Variants in TNFRSF8 observed in about 807,000 individuals in gnomAD.
TNFRSF8 encodes tumor necrosis factor receptor superfamily member 8.
TNFRSF8 carries 26 observed loss-of-function variants against 70.8 expected under a neutral mutation model. That is an observed-to-expected ratio of 0.37 (90% confidence interval 0.27 to 0.51). TNFRSF8 has a LOEUF of 0.51. TNFRSF8 is among the 20% of genes least tolerant of loss of function. TNFRSF8 has a pLI of 0.94. For synonymous variants in TNFRSF8, 356 were observed against 339.2 expected (o/e 1.05, Z -0.54); for missense variants, 720 against 807.9 (o/e 0.89, Z 1.32).
At chr1:12,098,265 T>A (rs1641364664) in intron 3 of TNFRSF8, among the ~76,000 whole-genome samples, 1 of 152,248 alleles carries the variant, frequency 6.6e-6, no homozygotes, top group Admixed American at 6.5e-5. Context: ...ATTTCTTCTT[T>A]CTTTTTATTA....
intron 2 of TNFRSF8, among the ~76,000 whole-genome samples, chr1:12,095,547 C>G (rs1641318498): frequency 6.6e-6 from 1 of 152,134 alleles, no homozygotes. Flanking sequence ...CTCGGCCTCC[C>G]AAAGTGTTGG....
rs935497872 is a variant in TNFRSF8, at chr1:12,086,144, T to C, written c.151+1593T>C. Among the ~76,000 whole-genome samples, 3 of 152,260 alleles carry C rather than the reference T, an allele frequency of 2.0e-5. 1 individual carries two copies. Among genetic ancestry groups the C allele is most frequent in the Middle Eastern group, 3.4e-3 (1 of 294 alleles). Reference sequence around the variant, plus strand: ...GCCATCAGGGCTATTCCACTGGAGCTGCGCGGGAACCCAGGTCAGTCAGTT... The same window carrying C: ...GCCATCAGGGCTATTCCACTGGAGCCGCGCGGGAACCCAGGTCAGTCAGTT... On this transcript the variant is annotated intron_variant, in intron 2 of 14. Coordinates refer to ENST00000263932, the MANE Select transcript of TNFRSF8 (RefSeq NM_001243.5).
At chr1:12,136,980 G>A (rs1642158364) in intron 13 of TNFRSF8, among the ~76,000 whole-genome samples, 1 of 150,748 alleles carries the variant, frequency 6.6e-6, no homozygotes, top group Non-Finnish European at 1.5e-5. Context: ...GTGGAGGGAA[G>A]GTCAGCAGAT....
rs1219498780 is a variant in TNFRSF8, at chr1:12,113,159, G to A, written c.793+1145G>A. On this transcript the variant is annotated intron_variant, in intron 7 of 14. Transcript: ENST00000263932. This position sits in a 1 kb window ranked among gnomAD's most constrained non-coding sequence, Gnocchi z 4.9. ...CAATGTCTGAGGTCTTAGCTGGAAA[G>A]CCCAAAAGCTGCAGATCAGGAACTT... 6.6e-6 allele frequency among the ~76,000 whole-genome samples: 1 copy of A among 152,212 alleles called. No homozygotes were observed. The highest frequency in any genetic ancestry group is 1.5e-5 in the Non-Finnish European group (1 of 68,044).
Position 12,142,209 on chromosome 1 carries a change from C to CG in TNFRSF8, c.1544-76dup. 6.8e-7 allele frequency: 1 copy of CG among 1,478,880 alleles called. No individual in the cohort carries two copies. Among genetic ancestry groups the CG allele is most frequent in the Non-Finnish European group, 9.0e-7 (1 of 1,109,000 alleles). 91.6% of individuals were successfully genotyped at this position (1,478,880 alleles called of 1,614,324 possible). A position where few individuals can be genotyped will look rare whatever the true frequency, so the allele number is the denominator to read the frequency against. On this transcript the variant is annotated intron_variant, in intron 14 of 14. Coordinates refer to ENST00000263932, the MANE Select transcript of TNFRSF8 (RefSeq NM_001243.5). This position sits in a 1 kb window ranked among gnomAD's most constrained non-coding sequence, Gnocchi z 5.0. ...CGGCAGGTGTACCAGCACTGGGCCT[C>CG]GGCCCTTCTCTGCCTCTTTGCTCCC...
chr1:12,126,305 G>A (rs533783560), intron 12 of TNFRSF8, 69 bp downstream of exon 12: 36 of 1,575,104 alleles, frequency 2.3e-5, no homozygotes, highest in Non-Finnish European at 3.0e-5. Flanking sequence ...GGCCCGGGGC[G>A]TGGGCTCCAG....
intron 3 of TNFRSF8, among the ~76,000 whole-genome samples, chr1:12,098,416 C>G (rs1641366720): frequency 2.0e-5 from 3 of 152,086 alleles, no homozygotes; most frequent in African/African-American, 7.2e-5. Flanking sequence ...CCCAGCCCTC[C>G]ATCTATAGAT....
At chr1:12,074,217 A>G (rs74366762) in intron 1 of TNFRSF8, among the ~76,000 whole-genome samples, 2,009 of 150,944 alleles carry the variant, frequency 0.013, 42 homozygotes, top group African/African-American at 0.046. Context: ...CACATTAATG[A>G]CCCTGAAACC....
intron 1 of TNFRSF8, among the ~76,000 whole-genome samples, chr1:12,081,455 C>T (rs755209955): frequency 2.6e-5 from 4 of 152,010 alleles, no homozygotes; most frequent in Non-Finnish European, 5.9e-5. Context: ...AGGTTCCTGC[C>T]CCCCTGGAGA....
intron 3 of TNFRSF8, among the ~76,000 whole-genome samples, chr1:12,102,061 C>T (rs1279207724): frequency 6.6e-6 from 1 of 152,208 alleles, no homozygotes. Flanking sequence ...GGTATCATTT[C>T]TAATGTTTTG....
At position 12,142,154 on chromosome 1, in the gene TNFRSF8, G is replaced by C. The variant is rs1178881162; in HGVS notation, c.1544-133G>C. On this transcript the variant is annotated intron_variant, in intron 14 of 14. Transcript: ENST00000263932. This position sits in a 1 kb window ranked among gnomAD's most constrained non-coding sequence, Gnocchi z 5.0. Reference sequence around the variant, plus strand: ...CCCAGGATGCCTGTAAGGTACATCAGAGAGGCTGTGCCATCAGCCTGAAGC... The same window carrying C: ...CCCAGGATGCCTGTAAGGTACATCACAGAGGCTGTGCCATCAGCCTGAAGC... The C allele has an allele frequency of 2.4e-6, 3 of 1,250,398 alleles. No homozygotes were observed. The African/African-American group carries it at 4.6e-5, about 19-fold the overall frequency. The allele number at this position is 1,250,398 out of a possible 1,614,324, so 77.5% of individuals were successfully genotyped here.
chr1:12,124,507 G>T (rs1641894520), intron 10 of TNFRSF8, among the ~76,000 whole-genome samples: 2 of 152,298 alleles, frequency 1.3e-5, no homozygotes, highest in South Asian at 4.1e-4. Flanking sequence ...AAGCAGTGTA[G>T]CATTGTAGAC....
At chr1:12,072,777 C>G (rs1640870032) in intron 1 of TNFRSF8, among the ~76,000 whole-genome samples, 1 of 152,210 alleles carries the variant, frequency 6.6e-6, no homozygotes, top group African/African-American at 2.4e-5. Flanking sequence ...GGCCTCCACA[C>G]AGTTTACTGA....
chr1:12,063,477 G>T lies in TNFRSF8; in HGVS notation c.-122G>T, dbSNP rs986397178. The T allele has an allele frequency of 2.6e-5, 22 of 845,198 alleles. No homozygotes were observed. Among genetic ancestry groups the T allele is most frequent in the Non-Finnish European group, 3.2e-5 (20 of 625,310 alleles). The allele number at this position is 845,198 out of a possible 1,614,324, so 52.4% of individuals were successfully genotyped here. On this transcript the variant is annotated 5_prime_UTR_variant, in exon 1 of 15. Transcript: ENST00000263932. This position sits in a 1 kb window ranked among gnomAD's most constrained non-coding sequence, Gnocchi z 7.2. Reference sequence around the variant, plus strand: ...GACTAGGTGGCCGCGGCGGGAGTGTGCTGGAGCCTGAAGTCCACGCGCGCG... The same window carrying T: ...GACTAGGTGGCCGCGGCGGGAGTGTTCTGGAGCCTGAAGTCCACGCGCGCG...
At chr1:12,136,138 G>A (rs1453374864) in intron 13 of TNFRSF8, among the ~76,000 whole-genome samples, 2 of 151,126 alleles carry the variant, frequency 1.3e-5, no homozygotes, top group Non-Finnish European at 2.9e-5. Flanking sequence ...CATACATTAA[G>A]AAGGGTTTCT....
At chr1:12,091,328 T>C (rs1187458791) in intron 2 of TNFRSF8, among the ~76,000 whole-genome samples, 1 of 152,224 alleles carries the variant, frequency 6.6e-6, no homozygotes, top group East Asian at 1.9e-4. Flanking sequence ...GTTAGAAAGC[T>C]AGTTACTGCT....
chr1:12,133,738 CAAAAAAAAAA>C (rs34040378), intron 12 of TNFRSF8, among the ~76,000 whole-genome samples: 2 of 90,984 alleles, frequency 2.2e-5, no homozygotes, highest in Admixed American at 1.2e-4. Context: ...GACTCCATCT[CAAAAAAAAAA>C]AAAAAAAAAA....
At chr1:12,135,166 A>G (rs1409856652) in intron 12 of TNFRSF8, among the ~76,000 whole-genome samples, 2 of 151,644 alleles carry the variant, frequency 1.3e-5, no homozygotes, top group African/African-American at 2.4e-5. Flanking sequence ...ATACAAAAAA[A>G]TTAGCTGGGG....
chr1:12,142,334 A>G lies in TNFRSF8; in HGVS notation c.1591A>G (p.Lys531Glu). 1 of 1,606,714 alleles carries G rather than the reference A, an allele frequency of 6.2e-7. No homozygotes were observed. The highest frequency in any genetic ancestry group is 1.3e-5 in the African/African-American group (1 of 74,998). ...KADTVIVGTV[K>E]AELPEGRGLA... ...TGACACCGTGATCGTGGGGACCGTG[A>G]AGGCTGAGCTGCCGGAGGGCCGGGG... The change falls in exon 15 of 15, where the codon AAG becomes GAG. Residue 531 changes from lysine (K) to glutamate (E), a missense_variant. Coordinates refer to ENST00000263932, the MANE Select transcript of TNFRSF8 (RefSeq NM_001243.5). The surrounding 1 kb of genome is among the most constrained non-coding windows in gnomAD (Gnocchi z 5.0).
Sources: gnomAD v4.1 joint callset for allele counts (sites outside exome capture counted in the v4.1 genomes callset) on GRCh38, gnomAD v4.1.1 for gene constraint, Gnocchi (gnomAD v3.1) non-coding constraint, MANE v1.5 for transcripts, NCBI Gene and HGNC (gene_info 2026-07-23, HGNC 2026-07-21) for gene names.